The following HDAC7 variants were observed in gnomAD, a reference collection of about 807,000 sequenced individuals.
The protein encoded by HDAC7 is histone deacetylase 7, also known as histone deacetylase 7A.
A neutral mutation model predicts 115.5 loss-of-function variants in HDAC7; 26 were observed. The observed-to-expected ratio is 0.23, with a 90% CI of 0.16 to 0.31. The LOEUF is 0.31. Among genes scored for constraint, HDAC7 ranks in the 10% least tolerant of loss-of-function variants. HDAC7 has a pLI of 1.00. For synonymous variants in HDAC7, 564 were observed against 550.9 expected, an observed-to-expected ratio of 1.02 and a Z score of -0.33; for missense variants, 1,068 against 1,329.0, an observed-to-expected ratio of 0.80 and a Z score of 3.05.
At chr12:47,790,927 G>C in intron 16 of HDAC7, 1 of 430,094 alleles carries the variant, frequency 2.3e-6, no homozygotes, top group Non-Finnish European at 4.2e-6. Flanking sequence ...GCAGCCTGGC[G>C]GCCAATGCCC....
Position 47,783,571 on chromosome 12 carries a change from G to C in HDAC7, c.*270C>G, listed in dbSNP as rs1327546066. On this transcript the variant is annotated 3_prime_UTR_variant, in exon 26 of 26. Coordinates refer to ENST00000080059, the MANE Select transcript of HDAC7 (RefSeq NM_015401.5). ...CCTGAGGAATGGGGGCCACAGCCAG[G>C]GCCCATACTGGAGGGGAGAATCTGT... 1 of 507,954 alleles carries C rather than the reference G, an allele frequency of 2.0e-6. No individual in the cohort carries two copies. The highest frequency in any genetic ancestry group is 3.6e-6 in the Non-Finnish European group (1 of 279,238). The allele number at this position is 507,954 out of a possible 1,614,324, so 31.5% of individuals were successfully genotyped here.
intron 13 of HDAC7, 113 bp from the exon 14 acceptor site, chr12:47,792,117 G>A: frequency 7.8e-7 from 1 of 1,282,854 alleles, no homozygotes; most frequent in Non-Finnish European, 1.1e-6. Context: ...AGCCGGGCGG[G>A]TACACACCCC....
At chr12:47,817,164 G>A (rs906029684) in intron 1 of HDAC7, among the ~76,000 whole-genome samples, 3 of 152,208 alleles carry the variant, frequency 2.0e-5, no homozygotes, top group Non-Finnish European at 4.4e-5. Context: ...GCTTCCTGCT[G>A]TGTTGCCCAC....
intron 2 of HDAC7, among the ~76,000 whole-genome samples, chr12:47,801,561 T>C (rs1944165819): frequency 6.6e-6 from 1 of 152,208 alleles, no homozygotes; most frequent in African/African-American, 2.4e-5. Context: ...GGAGGATACC[T>C]GGGTTCCATT....
chr12:47,784,942 TGTTGA>T (rs1943084053), intron 24 of HDAC7: 7 of 628,250 alleles, frequency 1.1e-5, no homozygotes, highest in Non-Finnish European at 1.9e-5. Flanking sequence ...GCTCAATAGA[TGTTGA>T]GTTGAAGTTG....
At chr12:47,802,618 A>C in intron 1 of HDAC7, 1 of 737,164 alleles carries the variant, frequency 1.4e-6, no homozygotes. Flanking sequence ...TGGGCAGCCA[A>C]ACCAGGCTCC....
At chr12:47,800,197 C>T (rs540926393) in intron 2 of HDAC7, among the ~76,000 whole-genome samples, 6 of 152,272 alleles carry the variant, frequency 3.9e-5, no homozygotes, top group Admixed American at 6.5e-5. Context: ...ATCTTGTTAT[C>T]CTAAATAAGG....
chr12:47,809,386 G>A (rs924898401), intron 1 of HDAC7, among the ~76,000 whole-genome samples: 5 of 152,070 alleles, frequency 3.3e-5, no homozygotes, highest in Non-Finnish European at 5.9e-5. Context: ...ACAAGGCCAC[G>A]CAGCCCATTC....
At chr12:47,784,596 C>T (rs768095848) in intron 24 of HDAC7, 25 of 899,342 alleles carry the variant, frequency 2.8e-5, no homozygotes, top group East Asian at 1.3e-4. Flanking sequence ...GCCCCAAGCT[C>T]GGGCCTCCCA....
rs771818415 is a variant in HDAC7, at chr12:47,789,941, G to GC, written c.1984-22dup. On this transcript the variant is annotated intron_variant, in intron 16 of 25. Coordinates refer to ENST00000080059, the MANE Select transcript of HDAC7 (RefSeq NM_015401.5). ...TCCACCTGCGGGAGCCAGAGTCAGG[G>GC]CCCGCATCATCCAAGGCTTCACACA... The GC allele has an allele frequency of 2.1e-5, 32 of 1,547,592 alleles. No homozygotes were observed. In the South Asian group the frequency reaches 3.4e-4, roughly 17 times the overall value.
chr12:47,809,799 A>G (rs1316680477), intron 1 of HDAC7, among the ~76,000 whole-genome samples: 1 of 152,126 alleles, frequency 6.6e-6, no homozygotes, highest in Admixed American at 6.6e-5. Flanking sequence ...TCGAACTCCC[A>G]GCCTCAAGTG....
chr12:47,789,992 C>T, intron 16 of HDAC7, 72 bp from the exon 17 acceptor site: 2 of 1,164,660 alleles, frequency 1.7e-6, no homozygotes, highest in Admixed American at 3.4e-5. Context: ...GGGGGTGGTC[C>T]CCACCCCACG....
intron 7 of HDAC7, 124 bp from the exon 8 acceptor site, chr12:47,796,422 C>CTTT: frequency 3.5e-6 from 2 of 566,872 alleles, no homozygotes. Flanking sequence ...TTGCTTCCTG[C>CTTT]TTTCTTTTTT....
In HDAC7 at chr12:47,813,557, C is replaced by T. The variant is rs1944759782; in HGVS notation, c.19+6210G>A. On this transcript the variant is annotated intron_variant, in intron 1 of 25. Coordinates refer to ENST00000080059, the MANE Select transcript of HDAC7 (RefSeq NM_015401.5). ...ACGGATCCCCAGGGTGAGAGGCTGA[C>T]CCTATAGGCCCAAAGCTTCTGACCA... 2.0e-5 allele frequency: 3 copies of T among 152,454 alleles called. No individual in the cohort carries two copies. In the South Asian group the frequency reaches 6.2e-4, roughly 32 times the overall value. The allele number at this position is 152,454 out of a possible 1,614,324, so 9.4% of individuals were successfully genotyped here. A position where few individuals can be genotyped will look rare whatever the true frequency, so the allele number is the denominator to read the frequency against.
rs564854563 is a variant in HDAC7, at chr12:47,783,935, A to G, written c.2931-49T>C. The G allele has an allele frequency of 2.4e-5, 38 of 1,610,908 alleles. No individual in the cohort carries two copies. In the Admixed American group the frequency reaches 5.0e-4, roughly 21 times the overall value. On this transcript the variant is annotated intron_variant, in intron 25 of 25. Coordinates refer to ENST00000080059, the MANE Select transcript of HDAC7 (RefSeq NM_015401.5). ...ATGCTGGAGCACCAGGGCTGCAGCA[A>G]GGGCCTTAGCTAAGCTTCCTCTCAA... is the stretch of plus-strand genomic sequence containing the variant.
chr12:47,797,290 AGCCC>A lies in HDAC7; in HGVS notation c.577+90_577+93del. 2 of 1,447,500 alleles carry A rather than the reference AGCCC, an allele frequency of 1.4e-6. No individual in the cohort carries two copies. Among genetic ancestry groups the A allele is most frequent in the Non-Finnish European group, 1.9e-6 (2 of 1,044,934 alleles). 89.7% of individuals were successfully genotyped at this position (1,447,500 alleles called of 1,614,324 possible). On this transcript the variant is annotated intron_variant, in intron 6 of 25. Transcript: ENST00000080059. The surrounding 1 kb of genome is among the most constrained non-coding windows in gnomAD (Gnocchi z 5.5). Reference sequence around the variant, plus strand: ...TAGCCTACCGATGATCTCCTGGCCCAGCCCAGCCCGCCCACCCCTGCACACTCCT... The same window carrying A: ...TAGCCTACCGATGATCTCCTGGCCCAAGCCCGCCCACCCCTGCACACTCCT...
At chr12:47,802,163 C>T in intron 2 of HDAC7, 61 bp downstream of exon 2, 11 of 1,533,820 alleles carry the variant, frequency 7.2e-6, no homozygotes, top group Non-Finnish European at 9.8e-6. Flanking sequence ...CGCGTTCTTA[C>T]AGCCTTTCCA....
At chr12:47,802,751 C>T (rs919173459) in intron 1 of HDAC7, among the ~76,000 whole-genome samples, 7 of 152,012 alleles carry the variant, frequency 4.6e-5, no homozygotes, top group Non-Finnish European at 7.4e-5. Flanking sequence ...AGAGAGGGAC[C>T]CTGGCCTGCT....
rs1422412337 is a variant in HDAC7, at chr12:47,798,727, C to T, written c.258+58G>A. On this transcript the variant is annotated intron_variant, in intron 3 of 25. Transcript: ENST00000080059. This position sits in a 1 kb window ranked among gnomAD's most constrained non-coding sequence, Gnocchi z 4.3. ...GACTGGTGTCTAGGGATGCTGAAGGCGGGGAGGCTGGGGACCAAGCTCAAG... is the reference window on the plus strand; with the variant it reads ...GACTGGTGTCTAGGGATGCTGAAGGTGGGGAGGCTGGGGACCAAGCTCAAG... 17 of 1,560,418 alleles carry T rather than the reference C, an allele frequency of 1.1e-5. No homozygotes were observed. The highest frequency in any genetic ancestry group is 1.4e-5 in the Non-Finnish European group (16 of 1,150,798).
Sources: allele counts gnomAD v4.1 joint callset (sites outside exome capture counted in the v4.1 genomes callset), GRCh38; gene constraint gnomAD v4.1.1; non-coding constraint Gnocchi (gnomAD v3.1); transcripts MANE v1.5; gene names NCBI Gene and HGNC (gene_info 2026-07-23, HGNC 2026-07-21).